RNF152: variants seen among roughly 807,000 people sequenced by gnomAD.
The protein encoded by RNF152 is ring finger protein 152.
Under a neutral mutation model 12.7 loss-of-function variants are expected in RNF152, and 11 were observed. The ratio of observed to expected loss-of-function variants is 0.86; its 90% CI spans 0.54 to 1.43. RNF152 has a LOEUF of 1.43. RNF152 is among the 40% of genes most tolerant of loss of function. The pLI is 0.00. For synonymous variants in RNF152, 113 were observed against 120.3 expected (o/e 0.94, Z 0.40); for missense variants, 255 against 274.8 (o/e 0.93, Z 0.51).
chr18:61,840,857 G>C (rs1426082305), intron 1 of RNF152, among the ~76,000 whole-genome samples: 1 of 152,172 alleles, frequency 6.6e-6, no homozygotes, highest in Non-Finnish European at 1.5e-5. Context: ...TCTCCAGCTA[G>C]TTTTGCATTT....
At chr18:61,857,258 G>A (rs1911266398) in intron 1 of RNF152, among the ~76,000 whole-genome samples, 1 of 152,084 alleles carries the variant, frequency 6.6e-6, no homozygotes. Context: ...TGAGACTTAA[G>A]GAAATTAAAT....
intron 1 of RNF152, among the ~76,000 whole-genome samples, chr18:61,839,747 T>A (rs1057178527): frequency 5.3e-5 from 8 of 151,984 alleles, no homozygotes; most frequent in Non-Finnish European, 1.0e-4. Flanking sequence ...TACAAAAAAA[T>A]TGCTGGGCGT....
rs1912901746 is a variant in RNF152 at position 61,810,195 on chromosome 18, T to C, written c.*5657A>G. On this transcript the variant is annotated 3_prime_UTR_variant, in exon 2 of 2. Transcript: ENST00000312828. ...AAGAAATTAGCATCTAATCCAATAT[T>C]GTATAACTCACAAATTGGAAAACAT... The C allele has an allele frequency of 6.6e-6, 1 of 152,226 alleles. No individual in the cohort carries two copies. The highest frequency in any genetic ancestry group is 1.5e-5 in the Non-Finnish European group (1 of 68,048). 9.4% of individuals were successfully genotyped at this position (152,226 alleles called of 1,614,324 possible).
At chr18:61,868,501 G>A (rs1311674445) in intron 1 of RNF152, among the ~76,000 whole-genome samples, 2 of 152,076 alleles carry the variant, frequency 1.3e-5, no homozygotes, top group African/African-American at 4.8e-5. Flanking sequence ...CCAAGAGTTT[G>A]AGACCAGCCT....
At chr18:61,819,271 G>A (rs1462422451) in intron 1 of RNF152, among the ~76,000 whole-genome samples, 1 of 152,208 alleles carries the variant, frequency 6.6e-6, no homozygotes, top group South Asian at 2.1e-4. Context: ...AGATCCCACA[G>A]GGAGGGGAGA....
At chr18:61,829,344 G>T (rs1054818998) in intron 1 of RNF152, among the ~76,000 whole-genome samples, 1 of 152,048 alleles carries the variant, frequency 6.6e-6, no homozygotes, top group African/African-American at 2.4e-5. Flanking sequence ...AGACAGATGG[G>T]GGTTAAGGTC....
intron 1 of RNF152, among the ~76,000 whole-genome samples, chr18:61,837,977 C>T (rs1023189413): frequency 2.6e-5 from 4 of 151,950 alleles, no homozygotes; most frequent in African/African-American, 9.7e-5. Context: ...ACACACTCTT[C>T]AACCTCTGAT....
chr18:61,816,106 G>A lies in RNF152; in HGVS notation c.358C>T (p.Arg120Cys), dbSNP rs774116117. The A allele has an allele frequency of 1.1e-5, 18 of 1,614,046 alleles. No individual in the cohort carries two copies. Among genetic ancestry groups the A allele is most frequent in the South Asian group, 6.6e-5 (6 of 91,078 alleles). The change falls in exon 2 of 2, where the codon CGC becomes TGC. Residue 120 changes from arginine (R) to cysteine (C), a missense_variant. Physicochemically the swap from Arg to Cys is radical, Grantham distance 180. Transcript: ENST00000312828. Reference protein sequence around the residue: ...RALLPGDMGCRLLPGSQQKSV... With the variant: ...RALLPGDMGCCLLPGSQQKSV... The stretch of plus-strand genomic sequence containing the variant: ...TTCTGCTGGCTCCCGGGCAGCAGGC[G>A]GCAGCCCATGTCTCCGGGCAGCAGC...
At chr18:61,890,946 G>A (rs920997669) in intron 1 of RNF152, among the ~76,000 whole-genome samples, 2 of 152,210 alleles carry the variant, frequency 1.3e-5, no homozygotes, top group African/African-American at 4.8e-5. Context: ...GTTGAGGCTG[G>A]ATGACCATAT....
intron 1 of RNF152, among the ~76,000 whole-genome samples, chr18:61,891,962 C>T (rs1387551313): frequency 6.6e-6 from 1 of 152,184 alleles, no homozygotes; most frequent in South Asian, 2.1e-4. Flanking sequence ...GTGTAGGATG[C>T]GCAGGACTCT....
intron 1 of RNF152, among the ~76,000 whole-genome samples, chr18:61,862,758 C>A (rs1213412689): frequency 6.6e-6 from 1 of 152,192 alleles, no homozygotes; most frequent in South Asian, 2.1e-4. Context: ...GTGAGCCGCT[C>A]CAGCAAATTC....
At chr18:61,824,812 A>G (rs957494508) in intron 1 of RNF152, among the ~76,000 whole-genome samples, 2 of 152,202 alleles carry the variant, frequency 1.3e-5, no homozygotes, top group African/African-American at 4.8e-5. Flanking sequence ...CTTTATCTTC[A>G]TTTGCTCTAA....
At chr18:61,841,840 T>C (rs1359372916) in intron 1 of RNF152, among the ~76,000 whole-genome samples, 1 of 152,192 alleles carries the variant, frequency 6.6e-6, no homozygotes, top group Non-Finnish European at 1.5e-5. Context: ...GGTCAATACA[T>C]TCTTTGCACA....
At chr18:61,825,476 G>A (rs1455240773) in intron 1 of RNF152, among the ~76,000 whole-genome samples, 2 of 152,206 alleles carry the variant, frequency 1.3e-5, no homozygotes, top group Admixed American at 6.5e-5. Context: ...AGAAAACTCA[G>A]GGGAAGGACA....
chr18:61,870,140 C>T (rs1911922610), intron 1 of RNF152, among the ~76,000 whole-genome samples: 1 of 152,188 alleles, frequency 6.6e-6, no homozygotes, highest in African/African-American at 2.4e-5. Flanking sequence ...TACGTTCCTG[C>T]ACCCACATTT....
In RNF152 at chr18:61,815,781, C is replaced by CT; in HGVS notation, c.*70_*71insA. Reference sequence around the variant, plus strand: ...TGGTCAGTGTTGCCCCCCATCTTCTCACTGGGATCTCATCATCAACCTGCT... The same window carrying CT: ...TGGTCAGTGTTGCCCCCCATCTTCTCTACTGGGATCTCATCATCAACCTGCT... On this transcript the variant is annotated 3_prime_UTR_variant, in exon 2 of 2. Transcript: ENST00000312828. 1 of 1,541,316 alleles carries CT rather than the reference C, an allele frequency of 6.5e-7. No individual in the cohort carries two copies. Among genetic ancestry groups the CT allele is most frequent in the Non-Finnish European group, 8.8e-7 (1 of 1,129,948 alleles).
intron 1 of RNF152, among the ~76,000 whole-genome samples, chr18:61,854,155 T>C (rs959160420): frequency 1.4e-4 from 21 of 152,356 alleles, no homozygotes; most frequent in African/African-American, 4.8e-4. Flanking sequence ...GCTTCCACTA[T>C]ACAGTTAACA....
At chr18:61,835,374 A>G (rs1225958389) in intron 1 of RNF152, among the ~76,000 whole-genome samples, 2 of 152,212 alleles carry the variant, frequency 1.3e-5, no homozygotes, top group African/African-American at 2.4e-5. Context: ...AATAGGAGCC[A>G]GGTTATATTG....
chr18:61,818,129 C>G (rs984272028), intron 1 of RNF152, among the ~76,000 whole-genome samples: 1 of 152,014 alleles, frequency 6.6e-6, no homozygotes, highest in African/African-American at 2.4e-5. Context: ...AAGAATGCAC[C>G]AAAAACCAAC....
Sources: allele counts gnomAD v4.1 joint callset (sites outside exome capture counted in the v4.1 genomes callset), GRCh38; gene constraint gnomAD v4.1.1; transcripts MANE v1.5; gene names NCBI Gene and HGNC (gene_info 2026-07-23, HGNC 2026-07-21).